The following CSMD1 variants were observed in gnomAD, a reference collection of about 807,000 sequenced individuals.
CSMD1 encodes the protein CUB and Sushi multiple domains 1.
A neutral mutation model predicts 417.5 loss-of-function variants in CSMD1; 213 were observed. The observed-to-expected ratio is 0.51, with a 90% CI of 0.46 to 0.57. The LOEUF is 0.57. Among genes scored for constraint, CSMD1 ranks in the 20% least tolerant of loss-of-function variants. The pLI is 0.00. For synonymous variants in CSMD1, 2,862 were observed against 1,736.8 expected (o/e 1.65, Z -16.11); for missense variants, 6,923 against 4,529.7 (o/e 1.53, Z -15.17).
intron 10 of CSMD1, among the ~76,000 whole-genome samples, chr8:3,541,519 C>G (rs116383942): frequency 0.013 from 1,946 of 151,244 alleles, 47 homozygotes; most frequent in African/African-American, 0.045. Context: ...CACATCTATT[C>G]TGGAACTCAA....
intron 12 of CSMD1, among the ~76,000 whole-genome samples, chr8:3,466,480 G>A (rs1816795895): frequency 1.3e-5 from 2 of 151,916 alleles, no homozygotes; most frequent in East Asian, 1.9e-4. Flanking sequence ...CACGATCTTG[G>A]CTCACTGCAA....
chr8:3,712,937 T>C (rs1217738829), intron 6 of CSMD1, among the ~76,000 whole-genome samples: 2 of 152,186 alleles, frequency 1.3e-5, no homozygotes, highest in Non-Finnish European at 2.9e-5. Flanking sequence ...TACATCATTG[T>C]GACTGTAGTT....
At chr8:4,982,699 C>G (rs1019917373) in intron 1 of CSMD1, among the ~76,000 whole-genome samples, 2 of 152,272 alleles carry the variant, frequency 1.3e-5, no homozygotes, top group East Asian at 1.9e-4. Context: ...CTATCATTGT[C>G]CATCCATCAT....
intron 9 of CSMD1, among the ~76,000 whole-genome samples, chr8:3,585,911 A>G (rs373878531): frequency 1.3e-5 from 2 of 152,300 alleles, no homozygotes; most frequent in East Asian, 3.9e-4. Flanking sequence ...ATTTGCTCAC[A>G]TCTATCCTCA....
At chr8:3,720,620 TAC>T (rs1554520854) in intron 6 of CSMD1, among the ~76,000 whole-genome samples, 8,122 of 143,228 alleles carry the variant, frequency 0.057, 244 homozygotes, top group Non-Finnish European at 0.062. Context: ...TCTTTATTCT[TAC>T]ACACACACAC....
intron 2 of CSMD1, among the ~76,000 whole-genome samples, chr8:4,501,405 A>T (rs748022696): frequency 7.2e-5 from 11 of 152,142 alleles, no homozygotes; most frequent in Non-Finnish European, 1.5e-4. Flanking sequence ...AGGCAATAGA[A>T]CGTAGAGCAA....
At chr8:3,816,820 T>C (rs1051366156) in intron 5 of CSMD1, among the ~76,000 whole-genome samples, 9 of 152,152 alleles carry the variant, frequency 5.9e-5, no homozygotes. Flanking sequence ...GTACTATTTG[T>C]GGTTTCAGGT....
intron 5 of CSMD1, among the ~76,000 whole-genome samples, chr8:3,884,126 T>C (rs1239610647): frequency 6.6e-6 from 1 of 152,190 alleles, no homozygotes; most frequent in Admixed American, 6.5e-5. Context: ...AATGTCAGTT[T>C]CGAATTTTTA....
At chr8:4,369,916 G>A (rs1242885058) in intron 3 of CSMD1, among the ~76,000 whole-genome samples, 1 of 152,080 alleles carries the variant, frequency 6.6e-6, no homozygotes, top group Non-Finnish European at 1.5e-5. Context: ...TGTATTTTAT[G>A]CATTTAAAGT....
intron 7 of CSMD1, among the ~76,000 whole-genome samples, chr8:3,640,291 T>C (rs1056940219): frequency 6.6e-6 from 1 of 152,192 alleles, no homozygotes; most frequent in African/African-American, 2.4e-5. Flanking sequence ...TTTGGAACAT[T>C]TAGTCTCCAG....
intron 1 of CSMD1, among the ~76,000 whole-genome samples, chr8:4,889,194 C>G (rs1341395855): frequency 6.6e-6 from 1 of 151,952 alleles, no homozygotes; most frequent in Non-Finnish European, 1.5e-5. Context: ...CAGACATGCC[C>G]CAACCAAGTG....
chr8:3,647,916 G>A (rs897377897), intron 7 of CSMD1, among the ~76,000 whole-genome samples: 2 of 152,232 alleles, frequency 1.3e-5, no homozygotes, highest in African/African-American at 4.8e-5. Flanking sequence ...AAATTACTCT[G>A]TTTGTTTTGT....
At chr8:4,477,927 TG>T (rs1265687490) in intron 2 of CSMD1, among the ~76,000 whole-genome samples, 1 of 152,224 alleles carries the variant, frequency 6.6e-6, no homozygotes, top group Non-Finnish European at 1.5e-5. Flanking sequence ...AATTTTTGCC[TG>T]GCGCATGATA....
At chr8:4,779,604 G>C (rs2117182717) in intron 1 of CSMD1, among the ~76,000 whole-genome samples, 1 of 152,326 alleles carries the variant, frequency 6.6e-6, no homozygotes, top group African/African-American at 2.4e-5. Flanking sequence ...GGAAGCATTA[G>C]CTGTACGCCT....
At chr8:4,045,234 T>C (rs1244455247) in intron 3 of CSMD1, among the ~76,000 whole-genome samples, 1 of 152,170 alleles carries the variant, frequency 6.6e-6, no homozygotes, top group Non-Finnish European at 1.5e-5. Flanking sequence ...GTCCCATTAA[T>C]GAGCTTAGGA....
chr8:3,754,468 ATTTT>A (rs1473416493), intron 5 of CSMD1, among the ~76,000 whole-genome samples: 11 of 150,198 alleles, frequency 7.3e-5, no homozygotes, highest in South Asian at 6.4e-4. Context: ...TTATTTATTT[ATTTT>A]GAGACGGAGT....
chr8:3,820,236 C>T (rs1801652052), intron 5 of CSMD1, among the ~76,000 whole-genome samples: 1 of 152,226 alleles, frequency 6.6e-6, no homozygotes, highest in African/African-American at 2.4e-5. Context: ...GCCATATAGA[C>T]ACACTTCCCA....
intron 2 of CSMD1, among the ~76,000 whole-genome samples, chr8:4,445,175 CCTT>C (rs1798709968): frequency 6.6e-6 from 1 of 152,046 alleles, no homozygotes; most frequent in African/African-American, 2.4e-5. Flanking sequence ...GAATCTGACA[CCTT>C]TTTTTTAATG....
chr8:3,920,385 G>A (rs1436508127), intron 5 of CSMD1, among the ~76,000 whole-genome samples: 1 of 151,948 alleles, frequency 6.6e-6, no homozygotes, highest in Non-Finnish European at 1.5e-5. Flanking sequence ...TTATGTGTGT[G>A]TGGACACTGT....
Sources: gnomAD v4.1 joint callset for allele counts (sites outside exome capture counted in the v4.1 genomes callset) on GRCh38, gnomAD v4.1.1 for gene constraint, MANE v1.5 for transcripts, NCBI Gene and HGNC (gene_info 2026-07-23, HGNC 2026-07-21) for gene names.